Variants in SASH1 observed in about 807,000 individuals in gnomAD.
The protein encoded by SASH1 is SAM and SH3 domain-containing protein 1.
A neutral mutation model predicts 125.2 loss-of-function variants in SASH1; 44 were observed. That is an observed-to-expected ratio of 0.35 (90% CI 0.28 to 0.45). The LOEUF (loss-of-function observed/expected upper bound fraction) is 0.45, where lower values mean the gene tolerates loss of function less well. Among genes scored for constraint, SASH1 ranks in the 20% least tolerant of loss-of-function variants. The pLI is 1.00. For missense variants in SASH1, 1,426 were observed against 1,614.5 expected (o/e 0.88, Z 2.00); for synonymous variants, 639 against 649.1 (o/e 0.98, Z 0.24).
the SASH1 span, among the ~76,000 whole-genome samples, chr6:148,223,327 A>AATAT: frequency 6.6e-6 from 1 of 152,232 alleles, no homozygotes; most frequent in Admixed American, 6.5e-5. Flanking sequence ...AAGTTCTTAG[A>AATAT]ACAGTGCTTT....
chr6:148,288,148 C>T (rs1037311605), intron 1 of SASH1, among the ~76,000 whole-genome samples: 4 of 146,452 alleles, frequency 2.7e-5, no homozygotes, highest in Non-Finnish European at 4.6e-5. Context: ...TGAAAACCCG[C>T]GGGCCCCAGC....
chr6:148,400,415 C>T (rs1784125409), intron 2 of SASH1, among the ~76,000 whole-genome samples: 1 of 152,242 alleles, frequency 6.6e-6, no homozygotes, highest in Non-Finnish European at 1.5e-5. Flanking sequence ...ACTGATCTCT[C>T]ACCACAGCTC....
chr6:148,372,176 C>T (rs994841015), intron 1 of SASH1, among the ~76,000 whole-genome samples: 3 of 152,184 alleles, frequency 2.0e-5, no homozygotes, highest in Non-Finnish European at 4.4e-5. Flanking sequence ...TTTGCTGCCA[C>T]GCTCTTTCCC....
intron 2 of SASH1, among the ~76,000 whole-genome samples, chr6:148,404,685 C>T (rs1784306615): frequency 9.0e-6 from 1 of 111,058 alleles, no homozygotes; most frequent in African/African-American, 3.6e-5. Flanking sequence ...CAACCCCAGC[C>T]CCACCCCCAC....
At chr6:148,393,658 C>T in intron 2 of SASH1, 24 of 975,920 alleles carry the variant, frequency 2.5e-5, no homozygotes, top group Non-Finnish European at 2.8e-5. Flanking sequence ...CCTTCTCATT[C>T]AAACAGATGG....
intron 8 of SASH1, among the ~76,000 whole-genome samples, chr6:148,494,960 A>G (rs1317488908): frequency 2.0e-5 from 3 of 152,340 alleles, no homozygotes; most frequent in East Asian, 1.9e-4. Context: ...ATTGTAAACC[A>G]TAAACATGTG....
At chr6:148,200,417 AGAGC>A in the SASH1 span, among the ~76,000 whole-genome samples, 4 of 152,204 alleles carry the variant, frequency 2.6e-5, no homozygotes, top group African/African-American at 9.6e-5. Flanking sequence ...TGCAGCTCAC[AGAGC>A]GAGCGGGAGG....
In SASH1 at chr6:148,527,614, A is replaced by AGAATGTT. The variant is rs766356066; in HGVS notation, c.1428+19_1428+25dup. On this transcript the variant is annotated intron_variant, in intron 12 of 19. Coordinates refer to ENST00000367467, the MANE Select transcript of SASH1 (RefSeq NM_015278.5). ...CTGAGCAGGTATGCAGCTACCTGGT[A>AGAATGTT]GAATGTTCCCTTGGTTCTTCCTGAC... The AGAATGTT allele has an allele frequency of 1.9e-6, 3 of 1,589,176 alleles. No individual in the cohort carries two copies. The highest frequency in any genetic ancestry group is 1.2e-5 in the South Asian group (1 of 85,300).
At chr6:148,251,898 G>A in the SASH1 span, among the ~76,000 whole-genome samples, 648 of 133,906 alleles carry the variant, frequency 4.8e-3, 6 homozygotes, top group African/African-American at 0.018. Flanking sequence ...TGTTCTCATT[G>A]TTCAATTCCC....
chr6:148,503,035 G>C (rs913580807), intron 8 of SASH1, among the ~76,000 whole-genome samples: 1 of 152,214 alleles, frequency 6.6e-6, no homozygotes, highest in Admixed American at 6.5e-5. Flanking sequence ...TAAACCCAGG[G>C]AATGCTGGCT....
At chr6:148,502,224 A>AATCTC (rs1779586742) in intron 8 of SASH1, among the ~76,000 whole-genome samples, 2 of 152,166 alleles carry the variant, frequency 1.3e-5, no homozygotes, top group Non-Finnish European at 2.9e-5. Flanking sequence ...AGAAGAATGG[A>AATCTC]ATCTCATCTT....
rs150026800 is a variant in SASH1 at position 148,478,497 on chromosome 6, T to A, written c.627+4275T>A. Among the ~76,000 whole-genome samples the A allele has an allele frequency of 4.1e-3, 617 of 151,946 alleles. 6 individuals carry two copies. Among genetic ancestry groups the A allele is most frequent in the African/African-American group, 0.013 (547 of 41,434 alleles). ...ATTAAAACAATTGAACTGATGGAGATAGAGAGTAGAATGATGGTTACCAGA... is the reference window on the plus strand; with the variant it reads ...ATTAAAACAATTGAACTGATGGAGAAAGAGAGTAGAATGATGGTTACCAGA... On this transcript the variant is annotated intron_variant, in intron 7 of 19. Coordinates refer to ENST00000367467, the MANE Select transcript of SASH1 (RefSeq NM_015278.5).
At chr6:148,457,463 T>A (rs753870889) in intron 4 of SASH1, among the ~76,000 whole-genome samples, 53 of 152,118 alleles carry the variant, frequency 3.5e-4, no homozygotes, top group Non-Finnish European at 2.1e-4. Flanking sequence ...GAGTTTAATC[T>A]CCAGCTCTGT....
At chr6:148,363,645 C>A (rs1474898225) in intron 1 of SASH1, among the ~76,000 whole-genome samples, 2 of 152,012 alleles carry the variant, frequency 1.3e-5, no homozygotes, top group South Asian at 4.2e-4. Flanking sequence ...CGTGATCCAC[C>A]CGTCTCGGCC....
At chr6:148,535,945 T>C (rs1781818512) in intron 16 of SASH1, among the ~76,000 whole-genome samples, 1 of 151,978 alleles carries the variant, frequency 6.6e-6, no homozygotes, top group Non-Finnish European at 1.5e-5. Flanking sequence ...GCAAGTGTCA[T>C]TAGGTGAAAT....
intron 1 of SASH1, among the ~76,000 whole-genome samples, chr6:148,349,481 C>G (rs1781644572): frequency 6.6e-6 from 1 of 151,992 alleles, no homozygotes; most frequent in African/African-American, 2.4e-5. Flanking sequence ...CCAGGCTGGT[C>G]TTGAACTCCT....
chr6:148,494,681 G>A (rs1271296040), intron 8 of SASH1, among the ~76,000 whole-genome samples: 3 of 152,138 alleles, frequency 2.0e-5, no homozygotes, highest in Middle Eastern at 3.2e-3. Flanking sequence ...CTGTGGGCTT[G>A]TGGCCTTATA....
intron 1 of SASH1, among the ~76,000 whole-genome samples, chr6:148,387,596 C>A (rs1562371018): frequency 9.7e-5 from 1 of 10,316 alleles, no homozygotes; most frequent in Non-Finnish European, 1.8e-4. Context: ...TTCTTTCTTT[C>A]TTTCTTTCTT....
Position 148,544,100 on chromosome 6 carries a change from C to T in SASH1, c.2630C>T (p.Thr877Met), listed in dbSNP as rs757672634. The T allele has an allele frequency of 1.2e-5, 20 of 1,613,970 alleles. No homozygotes were observed. In the Middle Eastern group the frequency reaches 4.9e-4, roughly 40 times the overall value. Residue 877 changes from threonine to methionine, a missense_variant, in exon 18 of 20, where the codon ACG becomes ATG. Physicochemically the swap from Thr to Met is moderately conservative, Grantham distance 81. Transcript: ENST00000367467. This position sits in a 1 kb window ranked among gnomAD's most constrained non-coding sequence, Gnocchi z 6.4. ...EVPQKTTASS[T>M]KAQPLEQDSA... ...CCACAGAAGACGACCGCCTCTTCCA[C>T]GAAGGCCCAGCCCCTGGAGCAAGAC...
Sources: gnomAD v4.1 joint callset for allele counts (sites outside exome capture counted in the v4.1 genomes callset) on GRCh38, gnomAD v4.1.1 for gene constraint, Gnocchi (gnomAD v3.1) non-coding constraint, MANE v1.5 for transcripts, NCBI Gene and HGNC (gene_info 2026-07-23, HGNC 2026-07-21) for gene names.